OSBPL10: variants seen among roughly 807,000 people sequenced by gnomAD.
The protein encoded by OSBPL10 is oxysterol binding protein like 10, also known as oxysterol-binding protein-related protein 10.
In OSBPL10, 49 loss-of-function variants were observed where a neutral mutation model predicts 81.7. That is an observed-to-expected ratio of 0.60 (90% confidence interval 0.48 to 0.76). The LOEUF (loss-of-function observed/expected upper bound fraction) is 0.76. Among genes scored for constraint, OSBPL10 ranks in the 30% least tolerant of loss-of-function variants. OSBPL10 has a pLI of 0.00. For synonymous variants in OSBPL10, 419 were observed against 383.6 expected (o/e 1.09, Z -1.08); for missense variants, 923 against 987.8 (o/e 0.93, Z 0.88).
intron 2 of OSBPL10, among the ~76,000 whole-genome samples, chr3:32,029,898 C>T (rs1209516774): frequency 6.6e-6 from 1 of 152,150 alleles, no homozygotes; most frequent in Non-Finnish European, 1.5e-5. Context: ...CCACCAGCAA[C>T]CAACAAATAA....
chr3:31,828,053 A>G (rs1293486491), intron 4 of OSBPL10, among the ~76,000 whole-genome samples: 2 of 152,176 alleles, frequency 1.3e-5, no homozygotes, highest in Non-Finnish European at 2.9e-5. Flanking sequence ...CAGTAAGTCC[A>G]CAGAGATTCA....
chr3:31,669,473 T>C (rs553863460), intron 9 of OSBPL10, among the ~76,000 whole-genome samples: 1 of 152,156 alleles, frequency 6.6e-6, no homozygotes, highest in Non-Finnish European at 1.5e-5. Flanking sequence ...AGAGCTTATG[T>C]TGGAAAAGGA....
intron 8 of OSBPL10, among the ~76,000 whole-genome samples, chr3:31,678,736 G>C: frequency 6.7e-6 from 1 of 149,398 alleles, no homozygotes; most frequent in South Asian, 2.1e-4. Flanking sequence ...CAGACAAAAG[G>C]CATTCTATTC....
rs1698274510 is a variant in OSBPL10, at chr3:31,768,777, TAAAAC to T, written c.730-20662_730-20658del. On this transcript the variant is annotated intron_variant, in intron 4 of 11. Coordinates refer to ENST00000396556, the MANE Select transcript of OSBPL10 (RefSeq NM_017784.5). ...CTCTAAACAAGGCAATTCCTCTAGTTAAAACAATAATATTGCTTCGAATTGAAATA... is the reference window on the plus strand; with the variant it reads ...CTCTAAACAAGGCAATTCCTCTAGTTAATAATATTGCTTCGAATTGAAATA... Among the ~76,000 whole-genome samples the T allele has an allele frequency of 2.6e-5, 4 of 152,312 alleles. No homozygotes were observed. The South Asian group carries it at 6.2e-4, about 24-fold the overall frequency.
At chr3:31,784,603 G>C (rs1698812017) in intron 4 of OSBPL10, among the ~76,000 whole-genome samples, 1 of 151,918 alleles carries the variant, frequency 6.6e-6, no homozygotes, top group Non-Finnish European at 1.5e-5. Flanking sequence ...TGTTTTTTGA[G>C]ACAAGGTCTC....
At chr3:32,040,158 G>A (rs1177976180) in intron 2 of OSBPL10, among the ~76,000 whole-genome samples, 2 of 152,206 alleles carry the variant, frequency 1.3e-5, no homozygotes, top group African/African-American at 4.8e-5. Context: ...TGTAATCCCA[G>A]TACTTTGGGA....
rs111322383 is a variant in OSBPL10 at position 31,721,223 on chromosome 3, G to A, written c.1095+12034C>T. On this transcript the variant is annotated intron_variant, in intron 6 of 11. Transcript: ENST00000396556. ...AAGGAAACAGATTCTACCCTAGAGCGTTCAGAAAGCAACACAGCCCTGCTA... is the reference window on the plus strand; with the variant it reads ...AAGGAAACAGATTCTACCCTAGAGCATTCAGAAAGCAACACAGCCCTGCTA... Among the ~76,000 whole-genome samples the A allele has an allele frequency of 6.5e-4, 99 of 152,302 alleles. 1 individual carries two copies. The highest frequency in any genetic ancestry group is 2.2e-3 in the African/African-American group (92 of 41,572).
At chr3:31,706,276 C>T (rs1559425552) in intron 6 of OSBPL10, among the ~76,000 whole-genome samples, 1 of 152,196 alleles carries the variant, frequency 6.6e-6, no homozygotes, top group Admixed American at 6.5e-5. Context: ...GCCTGGGTCA[C>T]ATGGACAGCC....
At chr3:31,771,355 TG>T (rs1454937374) in intron 4 of OSBPL10, among the ~76,000 whole-genome samples, 1 of 151,644 alleles carries the variant, frequency 6.6e-6, no homozygotes, top group Non-Finnish European at 1.5e-5. Flanking sequence ...ACTAACTGAG[TG>T]GGTAAGTTCA....
intron 1 of OSBPL10, among the ~76,000 whole-genome samples, chr3:31,939,490 T>C (rs1575047952): frequency 6.6e-6 from 1 of 150,712 alleles, no homozygotes; most frequent in African/African-American, 2.4e-5. Context: ...CCCTCAGACC[T>C]AACGCCTGCT....
rs541493752 is a variant in OSBPL10, at chr3:32,011,356, T to C, written n.298+35135A>G. 9.9e-3 allele frequency among the ~76,000 whole-genome samples: 1,499 copies of C among 152,174 alleles called. 32 individuals carry two copies. The highest frequency in any genetic ancestry group is 0.034 in the African/African-American group (1,412 of 41,524). ...GGTCTGGAGTGGACCTCCAGCAAACTCCAACAGACCTGCAGCTGAGGGTCC... is the reference window on the plus strand; with the variant it reads ...GGTCTGGAGTGGACCTCCAGCAAACCCCAACAGACCTGCAGCTGAGGGTCC... On this transcript the variant is annotated intron_variant and non_coding_transcript_variant, in intron 2 of 3. Coordinates refer to the OSBPL10 transcript ENST00000479173.
intron 1 of OSBPL10, among the ~76,000 whole-genome samples, chr3:31,936,935 GA>G (rs200895159): frequency 2.7e-5 from 4 of 150,800 alleles, no homozygotes; most frequent in East Asian, 3.9e-4. Context: ...TAGATACCAG[GA>G]AAAAAAAAGA....
chr3:31,786,993 G>A (rs1316837582), intron 4 of OSBPL10, among the ~76,000 whole-genome samples: 8 of 152,130 alleles, frequency 5.3e-5, no homozygotes, highest in South Asian at 2.1e-4. Context: ...ATTTCCAAAA[G>A]TAGAGAGAAC....
At chr3:31,980,330 T>G (rs1698798134) in intron 1 of OSBPL10, among the ~76,000 whole-genome samples, 2 of 152,250 alleles carry the variant, frequency 1.3e-5, no homozygotes, top group African/African-American at 2.4e-5. Flanking sequence ...AAACTTCCAT[T>G]ACAAACATCG....
At chr3:31,896,032 A>G (rs192650712) in intron 1 of OSBPL10, among the ~76,000 whole-genome samples, 1 of 152,350 alleles carries the variant, frequency 6.6e-6, no homozygotes, top group East Asian at 1.9e-4. Context: ...AATTATGCCT[A>G]GTATATTCTA....
intron 7 of OSBPL10, among the ~76,000 whole-genome samples, chr3:31,692,262 G>C (rs1337850831): frequency 6.6e-6 from 1 of 152,082 alleles, no homozygotes; most frequent in Non-Finnish European, 1.5e-5. Context: ...CAATTCCTCA[G>C]CTGTAAAAAT....
chr3:31,723,401 G>C (rs1463545417), intron 6 of OSBPL10, among the ~76,000 whole-genome samples: 1 of 152,196 alleles, frequency 6.6e-6, no homozygotes, highest in South Asian at 2.1e-4. Context: ...CTGGGGACAG[G>C]ATGGATAGCC....
chr3:31,818,359 C>G (rs1387834485), intron 4 of OSBPL10, among the ~76,000 whole-genome samples: 1 of 152,152 alleles, frequency 6.6e-6, no homozygotes, highest in African/African-American at 2.4e-5. Context: ...GCCTGATGGC[C>G]CACCCTGCAG....
chr3:31,807,499 G>T (rs1405975997), intron 4 of OSBPL10, among the ~76,000 whole-genome samples: 2 of 151,534 alleles, frequency 1.3e-5, no homozygotes, highest in Non-Finnish European at 2.9e-5. Flanking sequence ...TGGCATGGTG[G>T]CTCATGCCTG....
Sources: gnomAD v4.1 joint callset for allele counts (sites outside exome capture counted in the v4.1 genomes callset) on GRCh38, gnomAD v4.1.1 for gene constraint, MANE v1.5 for transcripts, NCBI Gene and HGNC (gene_info 2026-07-23, HGNC 2026-07-21) for gene names.